Variants in ACTN2 observed in about 807,000 individuals in gnomAD.
The protein encoded by ACTN2 is actinin alpha 2.
Under a neutral mutation model 113.8 loss-of-function variants are expected in ACTN2, and 39 were observed. The ratio of observed to expected loss-of-function variants is 0.34; its 90% CI spans 0.27 to 0.45. The LOEUF (loss-of-function observed/expected upper bound fraction) is 0.45, where lower values mean the gene tolerates loss of function less well. Ranked by LOEUF, ACTN2 falls within the 20% of genes least tolerant of loss-of-function variation. The pLI is 1.00. For missense variants in ACTN2, 992 were observed against 1,177.9 expected (o/e 0.84, Z 2.31); for synonymous variants, 429 against 444.1 (o/e 0.97, Z 0.43).
intron 4 of ACTN2, among the ~76,000 whole-genome samples, chr1:236,721,145 A>G (rs1175799322): frequency 6.8e-6 from 1 of 147,914 alleles, no homozygotes; most frequent in Non-Finnish European, 1.5e-5. Context: ...CTCCTGCCTC[A>G]GCCTCACGAG....
intron 15 of ACTN2, 100 bp from the exon 16 acceptor site, chr1:236,753,847 C>T (rs955302648): frequency 2.3e-6 from 3 of 1,315,134 alleles, no homozygotes; most frequent in African/African-American, 1.5e-5. Context: ...TTCTCCTTCT[C>T]CACTCCCACC....
At chr1:236,726,536 A>T (rs1441516158) in intron 5 of ACTN2, among the ~76,000 whole-genome samples, 1 of 152,196 alleles carries the variant, frequency 6.6e-6, no homozygotes, top group Non-Finnish European at 1.5e-5. Context: ...ATCAGGGGAG[A>T]GCATGATTCT....
At chr1:236,753,388 T>G (rs925675182) in intron 15 of ACTN2, among the ~76,000 whole-genome samples, 18 of 152,194 alleles carry the variant, frequency 1.2e-4, no homozygotes, top group African/African-American at 4.3e-4. Context: ...TGAGTGTACG[T>G]GATATTTGTT....
chr1:236,736,478 G>GC, intron 8 of ACTN2: 6 of 866,204 alleles, frequency 6.9e-6, no homozygotes, highest in Non-Finnish European at 1.1e-5. Context: ...GGTTCAAGGC[G>GC]CTTTGCCACT....
chr1:236,753,875 T>TAA, intron 15 of ACTN2, 72 bp from the exon 16 acceptor site: 1 of 910,658 alleles, frequency 1.1e-6, no homozygotes, highest in Non-Finnish European at 1.7e-6. Flanking sequence ...CTTGGACTAT[T>TAA]CCCGCATTCT....
intron 3 of ACTN2, 33 bp downstream of exon 3, chr1:236,719,046 C>T: frequency 6.2e-7 from 1 of 1,612,874 alleles, no homozygotes; most frequent in Non-Finnish European, 8.5e-7. Flanking sequence ...CTGTCTGCCA[C>T]ACTGACCTAA....
rs528243724 is a variant in ACTN2, at chr1:236,762,987, G to A, written c.*368G>A. On this transcript the variant is annotated 3_prime_UTR_variant, in exon 21 of 21. Coordinates refer to ENST00000366578, the MANE Select transcript of ACTN2 (RefSeq NM_001103.4). ...AAATACCCAAGATTTAAGACCGGGG[G>A]GAAAAAACCACAAATTGGTAAATAA... The A allele has an allele frequency of 1.9e-5, 6 of 311,204 alleles. No homozygotes were observed. Among genetic ancestry groups the A allele is most frequent in the Non-Finnish European group, 3.1e-5 (5 of 160,536 alleles). The allele number at this position is 311,204 out of a possible 1,614,324, so 19.3% of individuals were successfully genotyped here.
rs1197411735 is a variant in ACTN2 at position 236,686,566 on chromosome 1, A to G, written c.-108A>G. 9 of 1,274,190 alleles carry G rather than the reference A, an allele frequency of 7.1e-6. No homozygotes were observed. The highest frequency in any genetic ancestry group is 3.3e-5 in the African/African-American group (2 of 59,888). 78.9% of individuals were successfully genotyped at this position (1,274,190 alleles called of 1,614,324 possible). A position where few individuals can be genotyped will look rare whatever the true frequency, so the allele number is the denominator to read the frequency against. On this transcript the variant is annotated 5_prime_UTR_variant, in exon 1 of 21. Transcript: ENST00000366578. ...CCCCGAGAGGAGCCGCGCGAAGGTC[A>G]CCCCGCGCCCGCCGCCCGCCGCCCG... is the stretch of plus-strand genomic sequence containing the variant.
chr1:236,698,648 G>C (rs1000798650), intron 1 of ACTN2, among the ~76,000 whole-genome samples: 5 of 152,158 alleles, frequency 3.3e-5, no homozygotes, highest in Non-Finnish European at 7.3e-5. Flanking sequence ...TGGAGCAGAG[G>C]ATGTTGTAAT....
intron 1 of ACTN2, among the ~76,000 whole-genome samples, chr1:236,695,091 GCA>G (rs1657448241): frequency 1.3e-5 from 2 of 151,688 alleles, no homozygotes; most frequent in South Asian, 4.2e-4. Context: ...TTCAGGCCGG[GCA>G]CAGTGTCTCA....
chr1:236,716,266 T>A (rs1291347737), intron 1 of ACTN2, among the ~76,000 whole-genome samples: 1 of 152,144 alleles, frequency 6.6e-6, no homozygotes, highest in Non-Finnish European at 1.5e-5. Flanking sequence ...TTTGATAGGT[T>A]GAAGTTTTCA....
At chr1:236,715,128 C>G (rs1438271011) in intron 1 of ACTN2, among the ~76,000 whole-genome samples, 1 of 151,174 alleles carries the variant, frequency 6.6e-6, no homozygotes, top group East Asian at 1.9e-4. Flanking sequence ...TCTTTGAACC[C>G]TTTCGTACCA....
intron 1 of ACTN2, among the ~76,000 whole-genome samples, chr1:236,708,886 T>C (rs1252286067): frequency 6.6e-6 from 1 of 152,108 alleles, no homozygotes; most frequent in Admixed American, 6.5e-5. Flanking sequence ...GACCTTCCTC[T>C]TCCACTTTAG....
chr1:236,737,001 G>A, intron 8 of ACTN2, 121 bp from the exon 9 acceptor site: 1 of 772,234 alleles, frequency 1.3e-6, no homozygotes, highest in Non-Finnish European at 2.2e-6. Context: ...CCCTAAGCTA[G>A]ACTCTGCACC....
intron 1 of ACTN2, among the ~76,000 whole-genome samples, chr1:236,715,141 T>G (rs1032750788): frequency 6.1e-5 from 9 of 147,580 alleles, no homozygotes; most frequent in Non-Finnish European, 1.3e-4. Context: ...TCGTACCACT[T>G]GAATTTCTTT....
chr1:236,762,756 T>A lies in ACTN2; in HGVS notation c.*137T>A. On this transcript the variant is annotated 3_prime_UTR_variant, in exon 21 of 21. Coordinates refer to ENST00000366578, the MANE Select transcript of ACTN2 (RefSeq NM_001103.4). ...AAAAAAAAAGCCTTTCGTAGTTCAG[T>A]AATTGCCAGCAATATAACACGGCTA... 1 of 1,094,746 alleles carries A rather than the reference T, an allele frequency of 9.1e-7. No homozygotes were observed. The highest frequency in any genetic ancestry group is 1.3e-6 in the Non-Finnish European group (1 of 745,888). 67.8% of individuals were successfully genotyped at this position (1,094,746 alleles called of 1,614,324 possible). A position where few individuals can be genotyped will look rare whatever the true frequency, so the allele number is the denominator to read the frequency against.
At chr1:236,695,563 T>TCCCACC (rs1657467960) in intron 1 of ACTN2, among the ~76,000 whole-genome samples, 2 of 100,796 alleles carry the variant, frequency 2.0e-5, no homozygotes, top group African/African-American at 4.1e-5. Context: ...TGAAATGAGT[T>TCCCACC]CCCCCCCCCT....
Position 236,736,401 on chromosome 1 carries a change from G to A in ACTN2, c.783+681G>A, listed in dbSNP as rs3768124. Among the ~76,000 whole-genome samples the A allele has an allele frequency of 0.043, 6,537 of 152,320 alleles. 218 individuals are homozygous for A. The highest frequency in any genetic ancestry group is 0.1 in the Middle Eastern group (30 of 294). Reference sequence around the variant, plus strand: ...GGCTGATGAGGACTTTAAAGGAAAGGCCTGGGGACAGGCTGCGGGCCCAGA... The same window carrying A: ...GGCTGATGAGGACTTTAAAGGAAAGACCTGGGGACAGGCTGCGGGCCCAGA... On this transcript the variant is annotated intron_variant, in intron 8 of 20. Coordinates refer to ENST00000366578, the MANE Select transcript of ACTN2 (RefSeq NM_001103.4).
intron 1 of ACTN2, among the ~76,000 whole-genome samples, chr1:236,709,261 C>T (rs867979931): frequency 0.039 from 4,688 of 119,666 alleles, 378 homozygotes; most frequent in African/African-American, 0.14. Context: ...TATATACACA[C>T]ACACACACAC....
Sources: gnomAD v4.1 joint callset for allele counts (sites outside exome capture counted in the v4.1 genomes callset) on GRCh38, gnomAD v4.1.1 for gene constraint, MANE v1.5 for transcripts, NCBI Gene and HGNC (gene_info 2026-07-23, HGNC 2026-07-21) for gene names.